Variants in RCN1 observed in about 807,000 individuals in gnomAD.
RCN1 encodes the protein reticulocalbin-1.
RCN1 carries 14 observed loss-of-function variants against 34.7 expected under a neutral mutation model. The ratio of observed to expected loss-of-function variants is 0.40; its 90% CI spans 0.27 to 0.63. The LOEUF (loss-of-function observed/expected upper bound fraction) is 0.63, where lower values mean the gene tolerates loss of function less well. Ranked by LOEUF, RCN1 falls within the 30% of genes least tolerant of loss-of-function variation. The pLI is 0.37. For missense variants in RCN1, 326 were observed against 425.1 expected (o/e 0.77, Z 2.05); for synonymous variants, 125 against 165.5 (o/e 0.76, Z 1.88).
chr11:32,095,636 C>G (rs1319615861), intron 1 of RCN1, among the ~76,000 whole-genome samples: 1 of 152,138 alleles, frequency 6.6e-6, no homozygotes, highest in African/African-American at 2.4e-5. Flanking sequence ...TCTGGATCTC[C>G]TGACCTCATG....
chr11:32,102,496 T>A (rs1014783000), intron 4 of RCN1: 2 of 152,512 alleles, frequency 1.3e-5, no homozygotes, highest in Non-Finnish European at 2.9e-5. Flanking sequence ...ATCTCTCTTT[T>A]CCAAGAGCTA....
Position 32,098,331 on chromosome 11 carries a change from G to A in RCN1, c.449-19G>A. ...GACCGCACGGTTTAAAAACATTTCT[G>A]CATACATACATCCTGCAGGAAACCC... On this transcript the variant is annotated intron_variant, in intron 2 of 5. Coordinates refer to ENST00000054950, the MANE Select transcript of RCN1 (RefSeq NM_002901.4). The A allele has an allele frequency of 3.1e-6, 5 of 1,596,524 alleles. No individual in the cohort carries two copies. Among genetic ancestry groups the A allele is most frequent in the Non-Finnish European group, 3.4e-6 (4 of 1,173,308 alleles).
At chr11:32,100,655 A>G (rs1852027089) in intron 4 of RCN1, 47 bp downstream of exon 4, 1 of 1,479,120 alleles carries the variant, frequency 6.8e-7, no homozygotes, top group South Asian at 1.1e-5. Flanking sequence ...ACTGGGCCAC[A>G]TGACCCCACC....
intron 1 of RCN1, among the ~76,000 whole-genome samples, chr11:32,092,331 A>C (rs898854629): frequency 6.6e-6 from 1 of 152,084 alleles, no homozygotes; most frequent in Non-Finnish European, 1.5e-5. Flanking sequence ...AAAATAAAAT[A>C]AAATCTAGTG....
intron 4 of RCN1, among the ~76,000 whole-genome samples, chr11:32,100,877 C>A (rs77879175): frequency 0.016 from 2,415 of 152,190 alleles, 66 homozygotes; most frequent in African/African-American, 0.056. Flanking sequence ...TGAGAGGTGC[C>A]CTTCATCACA....
chr11:32,091,777 A>G, intron 1 of RCN1: 1 of 362,202 alleles, frequency 2.8e-6, no homozygotes, highest in Non-Finnish European at 5.0e-6. Flanking sequence ...AGTGCACAAA[A>G]GAAGAGTTTG....
chr11:32,099,269 C>T (rs1394950607), intron 3 of RCN1, among the ~76,000 whole-genome samples: 4 of 151,362 alleles, frequency 2.6e-5, no homozygotes, highest in Admixed American at 6.6e-5. Context: ...TGCAGTGAGC[C>T]GAGATCGTGC....
chr11:32,105,229 C>A lies in RCN1; in HGVS notation c.*757C>A, dbSNP rs1462383017. ...TACTTGAGAAAACTTTCTTAATATG[C>A]CAATGAGGTAGGCCTGATCTTTGAA... On this transcript the variant is annotated 3_prime_UTR_variant, in exon 6 of 6. Transcript: ENST00000054950. 3 of 166,386 alleles carry A rather than the reference C, an allele frequency of 1.8e-5. No individual in the cohort carries two copies. The highest frequency in any genetic ancestry group is 7.2e-5 in the African/African-American group (3 of 41,412). 10.3% of individuals were successfully genotyped at this position (166,386 alleles called of 1,614,324 possible). A position where few individuals can be genotyped will look rare whatever the true frequency, so the allele number is the denominator to read the frequency against.
At chr11:32,093,627 C>G (rs1273082766) in intron 1 of RCN1, among the ~76,000 whole-genome samples, 1 of 151,908 alleles carries the variant, frequency 6.6e-6, no homozygotes, top group Non-Finnish European at 1.5e-5. Context: ...GAAAAGCGTT[C>G]TGGGGCATGA....
At position 32,100,490 on chromosome 11, in the gene RCN1, C is replaced by T. The variant is rs539374349; in HGVS notation, c.628-58C>T. 158 of 1,393,304 alleles carry T rather than the reference C, an allele frequency of 1.1e-4. 2 individuals are homozygous for T. The East Asian group carries it at 3.0e-3, about 27-fold the overall frequency. The allele number at this position is 1,393,304 out of a possible 1,614,324, so 86.3% of individuals were successfully genotyped here. A position where few individuals can be genotyped will look rare whatever the true frequency, so the allele number is the denominator to read the frequency against. ...CTGGACAAATGAGGACAATAGAATTCTCAGACTTCTTAGAGCACATGGCCA... is the reference window on the plus strand; with the variant it reads ...CTGGACAAATGAGGACAATAGAATTTTCAGACTTCTTAGAGCACATGGCCA... On this transcript the variant is annotated intron_variant, in intron 3 of 5. Transcript: ENST00000054950.
chr11:32,101,261 G>A lies in RCN1; in HGVS notation c.688+653G>A, dbSNP rs1156379144. Among the ~76,000 whole-genome samples the A allele has an allele frequency of 4.2e-4, 24 of 57,228 alleles. No homozygotes were observed. The East Asian group carries it at 5.6e-3, about 13-fold the overall frequency. 37.5% of individuals were successfully genotyped at this position (57,228 alleles called of 152,430 possible). ...CAAATCCCCCCCAGCCCAACCCCCC[G>A]CTAGAAAGGACTAGAGCAGGCAACA... is the stretch of plus-strand genomic sequence containing the variant. On this transcript the variant is annotated intron_variant, in intron 4 of 5. Coordinates refer to ENST00000054950, the MANE Select transcript of RCN1 (RefSeq NM_002901.4).
chr11:32,098,540 GAA>G lies in RCN1; in HGVS notation c.627+13_627+14del, dbSNP rs1565350614. ...AAATTGTGGTTTTGGTAAGATAAGT[GAA>G]GAGTCTGGGCTGGGAAGAGACCAGG... On this transcript the variant is annotated intron_variant, in intron 3 of 5. Coordinates refer to ENST00000054950, the MANE Select transcript of RCN1 (RefSeq NM_002901.4). The G allele has an allele frequency of 6.2e-7, 1 of 1,601,958 alleles. No individual in the cohort carries two copies. The highest frequency in any genetic ancestry group is 1.7e-5 in the Admixed American group (1 of 58,346).
intron 4 of RCN1, 53 bp downstream of exon 4, chr11:32,100,661 C>A: frequency 7.0e-7 from 1 of 1,422,514 alleles, no homozygotes; most frequent in Non-Finnish European, 9.9e-7. Flanking sequence ...CCACATGACC[C>A]CACCCACACG....
intron 1 of RCN1, among the ~76,000 whole-genome samples, chr11:32,095,508 C>T (rs191055324): frequency 9.2e-5 from 14 of 152,166 alleles, no homozygotes; most frequent in African/African-American, 2.2e-4. Context: ...CCCAGGTTCA[C>T]GCCATTCTCC....
At position 32,103,302 on chromosome 11, in the gene RCN1, A is replaced by T; in HGVS notation, c.710A>T (p.Glu237Val). ...CTAGCGGATATGTTTTCCCATGAGG[A>T]GAATGGCCCTGAGCCAGACTGGGTT... ...EYIADMFSHE[E>V]NGPEPDWVLS... is the part of the protein sequence containing the mutation. The change falls in exon 5 of 6, where the codon GAG becomes GTG. Residue 237 changes from glutamate (E) to valine (V), a missense_variant. Physicochemically the swap from Glu to Val is moderately radical, Grantham distance 121 (BLOSUM62 -2). Coordinates refer to ENST00000054950, the MANE Select transcript of RCN1 (RefSeq NM_002901.4). The T allele has an allele frequency of 1.2e-6, 2 of 1,614,088 alleles. No homozygotes were observed. The highest frequency in any genetic ancestry group is 1.7e-6 in the Non-Finnish European group (2 of 1,179,922).
chr11:32,096,886 T>A, intron 1 of RCN1: 1 of 384,674 alleles, frequency 2.6e-6, no homozygotes, highest in East Asian at 4.0e-5. Flanking sequence ...CACCTCTAGG[T>A]TTATCAGGAC....
In RCN1 at chr11:32,100,527, G is replaced by C. The variant is rs114933947; in HGVS notation, c.628-21G>C. The C allele has an allele frequency of 3.4e-4, 546 of 1,609,324 alleles. No homozygotes were observed. In the African/African-American group the frequency reaches 6.4e-3, roughly 19 times the overall value. On this transcript the variant is annotated intron_variant, in intron 3 of 5. Coordinates refer to ENST00000054950, the MANE Select transcript of RCN1 (RefSeq NM_002901.4). ...AGAGCACATGGCCATCTTGCATTCT[G>C]TTTTACCTTTTGCTTCCTAGGAAAC...
rs1463806579 is a variant in RCN1, at chr11:32,091,328, G to A, written c.132G>A (p.Glu44=). The change falls in exon 1 of 6, where the codon GAG becomes GAA. Residue 44 remains glutamate (E), a synonymous_variant. Transcript: ENST00000054950. ...AGCGCGTGGTGCGGCCCGACTCGGAGCTGGGCGAGCGGCCCCCTGAGGACA... is the reference window on the plus strand; with the variant it reads ...AGCGCGTGGTGCGGCCCGACTCGGAACTGGGCGAGCGGCCCCCTGAGGACA... ...RKERVVRPDS[E]LGERPPEDNQ... 2.6e-6 allele frequency: 4 copies of A among 1,548,142 alleles called. No individual in the cohort carries two copies. In the African/African-American group the frequency reaches 5.5e-5, roughly 21 times the overall value.
chr11:32,101,001 T>C (rs1852031175), intron 4 of RCN1, among the ~76,000 whole-genome samples: 1 of 152,238 alleles, frequency 6.6e-6, no homozygotes, highest in Admixed American at 6.5e-5. Flanking sequence ...CAATGGAGCC[T>C]AGAAACTCTG....
Sources: allele counts gnomAD v4.1 joint callset (sites outside exome capture counted in the v4.1 genomes callset), GRCh38; gene constraint gnomAD v4.1.1; transcripts MANE v1.5; gene names NCBI Gene and HGNC (gene_info 2026-07-23, HGNC 2026-07-21).